RBFOX1: variants seen among roughly 807,000 people sequenced by gnomAD.
RBFOX1 encodes RNA binding protein fox-1 homolog 1.
A neutral mutation model predicts 57.7 loss-of-function variants in RBFOX1; 8 were observed. The ratio of observed to expected loss-of-function variants is 0.14; its 90% CI spans 0.08 to 0.25. The LOEUF (loss-of-function observed/expected upper bound fraction) is 0.25, where lower values mean the gene tolerates loss of function less well. Among genes scored for constraint, RBFOX1 ranks in the 10% least tolerant of loss-of-function variants. The pLI, the probability that RBFOX1 is intolerant of heterozygous loss-of-function variation, is 1.00. For synonymous variants in RBFOX1, 326 were observed against 222.4 expected (o/e 1.47, Z -4.15); for missense variants, 611 against 548.5 (o/e 1.11, Z -1.14).
At chr16:7,424,456 C>T (rs557319858) in intron 4 of RBFOX1, among the ~76,000 whole-genome samples, 49 of 152,204 alleles carry the variant, frequency 3.2e-4, no homozygotes, top group Middle Eastern at 6.8e-3. Context: ...GACAGGGTTG[C>T]GCCACGTTGG....
chr16:6,338,934 A>G (rs1217162575), intron 2 of RBFOX1, among the ~76,000 whole-genome samples: 4 of 152,108 alleles, frequency 2.6e-5, no homozygotes, highest in Admixed American at 1.3e-4. Flanking sequence ...ATGAAATGGG[A>G]AGGGGTGAGG....
intron 4 of RBFOX1, among the ~76,000 whole-genome samples, chr16:7,103,827 TA>T (rs2063113513): frequency 6.6e-6 from 1 of 152,160 alleles, no homozygotes; most frequent in Admixed American, 6.6e-5. Flanking sequence ...CAAGTGCCTT[TA>T]ACTCTTAGTC....
intron 4 of RBFOX1, among the ~76,000 whole-genome samples, chr16:7,294,376 C>G (rs200747541): frequency 6.6e-6 from 1 of 152,082 alleles, no homozygotes; most frequent in Non-Finnish European, 1.5e-5. Flanking sequence ...ACTGAAGTTA[C>G]TTGCTTGCTC....
intron 1 of RBFOX1, among the ~76,000 whole-genome samples, chr16:5,358,762 G>T (rs574254712): frequency 2.2e-4 from 34 of 152,354 alleles, no homozygotes; most frequent in South Asian, 8.3e-4. Flanking sequence ...GGGAGGCAAA[G>T]GTTGCGGTGA....
chr16:6,286,295 C>A (rs1040698062), intron 1 of RBFOX1, among the ~76,000 whole-genome samples: 2 of 152,112 alleles, frequency 1.3e-5, no homozygotes, highest in African/African-American at 4.8e-5. Context: ...AGACACATTC[C>A]CAGACAGTGA....
chr16:7,453,115 A>C (rs905284255), intron 4 of RBFOX1, among the ~76,000 whole-genome samples: 1 of 138,730 alleles, frequency 7.2e-6, no homozygotes, highest in African/African-American at 2.7e-5. Context: ...GATGACAGAG[A>C]GAGGCTTTGT....
At chr16:6,137,500 T>G (rs1380125320) in intron 1 of RBFOX1, among the ~76,000 whole-genome samples, 1 of 152,056 alleles carries the variant, frequency 6.6e-6, no homozygotes, top group Non-Finnish European at 1.5e-5. Context: ...GACACGGGGT[T>G]TCACCATGTT....
At chr16:5,924,795 A>G (rs1212055877) in intron 4 of RBFOX1, among the ~76,000 whole-genome samples, 3 of 152,090 alleles carry the variant, frequency 2.0e-5, no homozygotes, top group Non-Finnish European at 4.4e-5. Flanking sequence ...TTTTGTTTCC[A>G]TCTTCATGTC....
chr16:7,534,589 A>G (rs2081031311), intron 5 of RBFOX1, among the ~76,000 whole-genome samples: 1 of 152,134 alleles, frequency 6.6e-6, no homozygotes, highest in South Asian at 2.1e-4. Context: ...AGTTTTGGGT[A>G]AAGTCGTTAG....
intron 3 of RBFOX1, among the ~76,000 whole-genome samples, chr16:6,974,346 T>C (rs1319596417): frequency 1.1e-4 from 15 of 132,580 alleles, no homozygotes; most frequent in South Asian, 5.8e-4. Flanking sequence ...CTTTTTTTTT[T>C]TTTTTTTTTT....
chr16:5,341,829 A>C (rs2065039393), intron 1 of RBFOX1, among the ~76,000 whole-genome samples: 1 of 152,158 alleles, frequency 6.6e-6, no homozygotes, highest in Non-Finnish European at 1.5e-5. Flanking sequence ...TCTTCGGACC[A>C]TGTTAAGTTT....
At chr16:5,830,747 C>T (rs1335003571) in intron 3 of RBFOX1, among the ~76,000 whole-genome samples, 5 of 152,226 alleles carry the variant, frequency 3.3e-5, no homozygotes, top group Admixed American at 1.3e-4. Flanking sequence ...TGCAGTGTGC[C>T]TGCTGGACCT....
chr16:6,923,405 C>T (rs1205838071), intron 3 of RBFOX1, among the ~76,000 whole-genome samples: 1 of 152,058 alleles, frequency 6.6e-6, no homozygotes, highest in East Asian at 1.9e-4. Context: ...TGGTGGGGAA[C>T]ACTTGTAATT....
chr16:6,096,607 A>G (rs1160148630), intron 1 of RBFOX1, among the ~76,000 whole-genome samples: 1 of 152,018 alleles, frequency 6.6e-6, no homozygotes, highest in Non-Finnish European at 1.5e-5. Flanking sequence ...AAGTTTTGGG[A>G]TTCTGTGAAC....
chr16:6,847,688 T>G (rs1166666443), intron 3 of RBFOX1, among the ~76,000 whole-genome samples: 2 of 152,178 alleles, frequency 1.3e-5, no homozygotes, highest in African/African-American at 2.4e-5. Flanking sequence ...ATACGGTTAT[T>G]TGACAGTGAT....
intron 2 of RBFOX1, among the ~76,000 whole-genome samples, chr16:6,586,721 G>A (rs560672424): frequency 3.3e-5 from 5 of 152,218 alleles, no homozygotes; most frequent in African/African-American, 1.2e-4. Flanking sequence ...GGAGCCTGAC[G>A]GCAAAGAGAA....
intron 4 of RBFOX1, among the ~76,000 whole-genome samples, chr16:7,413,675 G>A (rs187308983): frequency 1.2e-3 from 185 of 152,122 alleles, no homozygotes; most frequent in African/African-American, 4.1e-3. Context: ...TGTCAAAAAA[G>A]TATTCCTCAG....
intron 1 of RBFOX1, among the ~76,000 whole-genome samples, chr16:5,440,175 A>G (rs1240533995): frequency 6.6e-6 from 1 of 152,206 alleles, no homozygotes; most frequent in Non-Finnish European, 1.5e-5. Flanking sequence ...CATTGTGCAA[A>G]TGCAGTTTCT....
chr16:7,050,610 CAA>C (rs1366580515), intron 3 of RBFOX1, among the ~76,000 whole-genome samples: 18 of 152,064 alleles, frequency 1.2e-4, no homozygotes, highest in Non-Finnish European at 2.9e-5. Flanking sequence ...ATTTTTAACC[CAA>C]GATAGGAACC....
Sources: allele counts gnomAD v4.1 joint callset (sites outside exome capture counted in the v4.1 genomes callset), GRCh38; gene constraint gnomAD v4.1.1; transcripts MANE v1.5; gene names NCBI Gene and HGNC (gene_info 2026-07-23, HGNC 2026-07-21).